Variants in ZNF225 observed in about 807,000 individuals in gnomAD.
ZNF225 encodes the protein zinc finger protein 225.
In ZNF225, 6 loss-of-function variants were observed where a neutral mutation model predicts 12.0. The observed-to-expected ratio is 0.50, with a 90% CI of 0.27 to 0.98. ZNF225 has a LOEUF of 0.98. Ranked by LOEUF, ZNF225 falls within the 50% of genes least tolerant of loss-of-function variation. The pLI, the probability that ZNF225 is intolerant of heterozygous loss-of-function variation, is 0.11. For missense variants in ZNF225, 763 were observed against 848.2 expected (o/e 0.90, Z 1.25); for synonymous variants, 271 against 283.2 (o/e 0.96, Z 0.43).
At chr19:44,113,114 G>A (rs1222724639), upstream of ZNF225, 1 of 152,358 alleles carries the variant, frequency 6.6e-6, no homozygotes, top group Non-Finnish European at 1.5e-5. Flanking sequence ...ATTCGGAGGA[G>A]TGTAATCCAA....
Position 44,118,479 on chromosome 19 carries a change from C to T in ZNF225, c.143-3C>T. 1 of 1,613,550 alleles carries T rather than the reference C, an allele frequency of 6.2e-7. No individual in the cohort carries two copies. The highest frequency in any genetic ancestry group is 8.5e-7 in the Non-Finnish European group (1 of 1,179,730). On this transcript the variant is annotated splice_region_variant and splice_polypyrimidine_tract_variant and intron_variant, in intron 3 of 4. Transcript: ENST00000262894. ...CTAAGCACATGACTTTTCACGTTCA[C>T]AGGGCATCAATCACTCCACAGAGAT...
intron 3 of ZNF225, 71 bp downstream of exon 3, chr19:44,118,385 T>G: frequency 6.2e-7 from 1 of 1,610,498 alleles, no homozygotes; most frequent in Admixed American, 1.7e-5. Flanking sequence ...GTGTTCAAGT[T>G]TGAGTATGCA....
In ZNF225 at chr19:44,132,958, CCTGT is replaced by C. The variant is rs1385663317; in HGVS notation, c.*224_*227del. 5.2e-6 allele frequency: 2 copies of C among 386,220 alleles called. No individual in the cohort carries two copies. Among genetic ancestry groups the C allele is most frequent in the Non-Finnish European group, 9.1e-6 (2 of 219,770 alleles). The allele number at this position is 386,220 out of a possible 1,614,324, so 23.9% of individuals were successfully genotyped here. ...CACTAGAACTTATTCCTCCTACCTG[CCTGT>C]ATTTCTGTATTCATTAACCAACCTT... On this transcript the variant is annotated 3_prime_UTR_variant, in exon 5 of 5. Transcript: ENST00000262894.
intron 2 of ZNF225, among the ~76,000 whole-genome samples, chr19:44,117,297 G>C (rs1967960229): frequency 6.6e-6 from 1 of 152,220 alleles, no homozygotes; most frequent in African/African-American, 2.4e-5. Flanking sequence ...GCCTTGGGAT[G>C]TGCTTTTAGG....
At position 44,115,817 on chromosome 19, in the gene ZNF225, TAGG is replaced by T. The variant is rs749454604; in HGVS notation, c.-6_-4del. The T allele has an allele frequency of 1.9e-6, 3 of 1,612,978 alleles. No homozygotes were observed. The highest frequency in any genetic ancestry group is 4.5e-5 in the East Asian group (2 of 44,856). ...TCAGGACTCTGAATATTCCCTGAAATAGGAGGAAAAATGACCACGTTGAAGGTG... is the reference window on the plus strand; with the variant it reads ...TCAGGACTCTGAATATTCCCTGAAATAGGAAAAATGACCACGTTGAAGGTG... On this transcript the variant is annotated 5_prime_UTR_variant, in exon 2 of 5. Coordinates refer to ENST00000262894, the MANE Select transcript of ZNF225 (RefSeq NM_013362.4).
chr19:44,128,324 CCTTTT>C (rs1220548162), intron 4 of ZNF225: 1 of 152,158 alleles, frequency 6.6e-6, no homozygotes. Flanking sequence ...GTACAGTCTT[CCTTTT>C]CTTTGTATAG....
intron 4 of ZNF225, among the ~76,000 whole-genome samples, chr19:44,120,839 TG>T (rs1168791844): frequency 6.6e-6 from 1 of 152,098 alleles, no homozygotes; most frequent in Non-Finnish European, 1.5e-5. Flanking sequence ...GCACCATATT[TG>T]TAGTCTTTTG....
upstream of ZNF225, chr19:44,113,049 C>T (rs546692880): frequency 3.9e-5 from 6 of 152,166 alleles, no homozygotes; most frequent in Admixed American, 3.3e-4. Flanking sequence ...GTGGGCACCT[C>T]GGAGTGGCAA....
chr19:44,116,855 T>TA (rs1159786496), intron 2 of ZNF225, among the ~76,000 whole-genome samples: 6 of 152,174 alleles, frequency 3.9e-5, no homozygotes, highest in African/African-American at 1.4e-4. Context: ...TAGGGTTTGG[T>TA]AAAAAATTGA....
In ZNF225 at chr19:44,132,155, G is replaced by A. The variant is rs755743228; in HGVS notation, c.1541G>A (p.Cys514Tyr). ...RVHSGEKPFK[C>Y]EECGKRFTQN... ...CACAGTGGAGAAAAACCATTCAAAT[G>A]TGAAGAGTGTGGGAAAAGATTTACT... The change falls in exon 5 of 5, where the codon TGT becomes TAT. Residue 514 changes from cysteine (C) to tyrosine (Y), a missense_variant. By Grantham distance (194) the Cys-to-Tyr change is radical. Coordinates refer to ENST00000262894, the MANE Select transcript of ZNF225 (RefSeq NM_013362.4). 4 of 1,614,154 alleles carry A rather than the reference G, an allele frequency of 2.5e-6. No individual in the cohort carries two copies. The East Asian group carries it at 6.7e-5, about 27-fold the overall frequency.
chr19:44,122,497 G>T (rs1246293724), intron 4 of ZNF225, among the ~76,000 whole-genome samples: 1 of 151,944 alleles, frequency 6.6e-6, no homozygotes, highest in Non-Finnish European at 1.5e-5. Context: ...TTTTGGTTCC[G>T]TATGAATTTT....
Position 44,130,967 on chromosome 19 carries a change from TG to T in ZNF225, c.355del (p.Val119Ter), listed in dbSNP as rs762765950. 6.2e-7 allele frequency: 1 copy of T among 1,614,070 alleles called. No homozygotes were observed. Among genetic ancestry groups the T allele is most frequent in the East Asian group, 2.2e-5 (1 of 44,862 alleles). On this transcript the variant is annotated frameshift_variant, in exon 5 of 5. Coordinates refer to ENST00000262894, the MANE Select transcript of ZNF225 (RefSeq NM_013362.4). LOFTEE classifies it low-confidence loss of function (END_TRUNC). ...GACTTAACCAGGTTTCAAGACTCCATGGTAAACAGCTTTCAGTTCTCCAAAC... is the reference window on the plus strand; with the variant it reads ...GACTTAACCAGGTTTCAAGACTCCATGTAAACAGCTTTCAGTTCTCCAAAC... ...SSDLTRFQDS[M>X]VNSFQFSKQD...
rs774787694 is a variant in ZNF225 at position 44,130,934 on chromosome 19, T to G, written c.320T>G (p.Ile107Ser). The G allele has an allele frequency of 1.9e-6, 3 of 1,614,036 alleles. No homozygotes were observed. The highest frequency in any genetic ancestry group is 1.7e-6 in the Non-Finnish European group (2 of 1,180,006). The part of the protein sequence containing the change: ...GLFSHQTWEQ[I>S]SSDLTRFQDS... ...TTCAGTCATCAAACCTGGGAACAAATTTCAAGTGACTTAACCAGGTTTCAA... is the reference window on the plus strand; with the variant it reads ...TTCAGTCATCAAACCTGGGAACAAAGTTCAAGTGACTTAACCAGGTTTCAA... The change falls in exon 5 of 5, where the codon ATT (isoleucine) becomes AGT (serine). Residue 107 changes from isoleucine to serine, a missense_variant. Physicochemically the swap from Ile to Ser is moderately radical, Grantham distance 142. Coordinates refer to ENST00000262894, the MANE Select transcript of ZNF225 (RefSeq NM_013362.4).
In ZNF225 at chr19:44,115,862, C is replaced by A; in HGVS notation, c.15+20C>A. ...TTGAAGGTGAGTAGAGCTTGCCTCTCTTGCTGTTAAAATTTCTTTTATGGA... is the reference window on the plus strand; with the variant it reads ...TTGAAGGTGAGTAGAGCTTGCCTCTATTGCTGTTAAAATTTCTTTTATGGA... On this transcript the variant is annotated intron_variant, in intron 2 of 4. Transcript: ENST00000262894. 1 of 1,611,092 alleles carries A rather than the reference C, an allele frequency of 6.2e-7. No individual in the cohort carries two copies. Among genetic ancestry groups the A allele is most frequent in the Non-Finnish European group, 8.5e-7 (1 of 1,178,448 alleles).
rs750059360 is a variant in ZNF225 at position 44,131,231 on chromosome 19, G to T, written c.617G>T (p.Cys206Phe). The change falls in exon 5 of 5, where the codon TGT becomes TTT. Residue 206 changes from cysteine to phenylalanine, a missense_variant. Physicochemically the swap from Cys to Phe is radical, Grantham distance 205. Transcript: ENST00000262894. ...RVHMGEKLYN[C>F]DVCGKEFNQS... The stretch of plus-strand genomic sequence containing the variant: ...CACATGGGGGAGAAACTCTATAATT[G>T]TGATGTGTGTGGTAAGGAATTCAAT... 2.5e-6 allele frequency: 4 copies of T among 1,614,090 alleles called. No individual in the cohort carries two copies. The highest frequency in any genetic ancestry group is 3.4e-6 in the Non-Finnish European group (4 of 1,180,046).
chr19:44,117,260 A>G (rs1020925572), intron 2 of ZNF225, among the ~76,000 whole-genome samples: 9 of 152,244 alleles, frequency 5.9e-5, no homozygotes, highest in Non-Finnish European at 1.2e-4. Flanking sequence ...GAACTTGTCC[A>G]AGGTCATGTG....
rs751049907 is a variant in ZNF225, at chr19:44,132,007, T to G, written c.1393T>G (p.Phe465Val). Reference sequence around the variant, plus strand: ...TAATTGTAAGGAATGTGGGAAGAGCTTTGGCTGGGCCTCGTGTCTTTTGAA... The same window carrying G: ...TAATTGTAAGGAATGTGGGAAGAGCGTTGGCTGGGCCTCGTGTCTTTTGAA... ...PYNCKECGKS[F>V]GWASCLLNHQ... Residue 465 changes from phenylalanine (F) to valine (V), a missense_variant, in exon 5 of 5, where the codon TTT becomes GTT. Coordinates refer to ENST00000262894, the MANE Select transcript of ZNF225 (RefSeq NM_013362.4). 3 of 1,613,914 alleles carry G rather than the reference T, an allele frequency of 1.9e-6. No homozygotes were observed. The highest frequency in any genetic ancestry group is 3.3e-5 in the Admixed American group (2 of 60,002).
intron 1 of ZNF225, chr19:44,114,341 A>G: frequency 2.4e-6 from 1 of 421,606 alleles, no homozygotes. Flanking sequence ...CTTGAAAGAT[A>G]GCATAGCTTT....
At position 44,115,796 on chromosome 19, in the gene ZNF225, G is replaced by A; in HGVS notation, c.-32G>A. On this transcript the variant is annotated 5_prime_UTR_variant, in exon 2 of 5. Coordinates refer to ENST00000262894, the MANE Select transcript of ZNF225 (RefSeq NM_013362.4). ...CTTTCCCTTGGACTGTATCACTCAG[G>A]ACTCTGAATATTCCCTGAAATAGGA... 9 of 1,611,856 alleles carry A rather than the reference G, an allele frequency of 5.6e-6. No homozygotes were observed. Among genetic ancestry groups the A allele is most frequent in the Non-Finnish European group, 7.6e-6 (9 of 1,178,674 alleles).
Sources: allele counts gnomAD v4.1 joint callset (sites outside exome capture counted in the v4.1 genomes callset), GRCh38; gene constraint gnomAD v4.1.1; transcripts MANE v1.5; gene names NCBI Gene and HGNC (gene_info 2026-07-23, HGNC 2026-07-21).